Variants in PIK3C2G observed in about 807,000 individuals in gnomAD.
PIK3C2G encodes phosphatidylinositol 3-kinase C2 domain-containing subunit gamma.
In PIK3C2G, 168 loss-of-function variants were observed where a neutral mutation model predicts 181.1. The ratio of observed to expected loss-of-function variants is 0.93; its 90% confidence interval spans 0.82 to 1.05. The LOEUF is 1.05. Among genes scored for constraint, PIK3C2G ranks in the 50% least tolerant of loss-of-function variants. PIK3C2G has a pLI of 0.00. For missense variants in PIK3C2G, 1,869 were observed against 1,732.8 expected (o/e 1.08, Z -1.40); for synonymous variants, 573 against 592.2 (o/e 0.97, Z 0.47).
chr12:18,455,234 C>T (rs952804618), intron 18 of PIK3C2G, among the ~76,000 whole-genome samples: 1 of 152,004 alleles, frequency 6.6e-6, no homozygotes, highest in African/African-American at 2.4e-5. Context: ...ATCGCTAGGT[C>T]CAGCCTACAC....
At position 18,491,502 on chromosome 12, in the gene PIK3C2G, A is replaced by G; in HGVS notation, c.2737A>G (p.Asn913Asp). 6.2e-7 allele frequency: 1 copy of G among 1,610,284 alleles called. No individual in the cohort carries two copies. The highest frequency in any genetic ancestry group is 8.5e-7 in the Non-Finnish European group (1 of 1,176,794). Reference sequence around the variant, plus strand: ...ACTAGAAGAGTTCTTTCAAGATGTAAATACTTGTCATCTTCCTCTGAACCC... The same window carrying G: ...ACTAGAAGAGTTCTTTCAAGATGTAGATACTTGTCATCTTCCTCTGAACCC... ...GRLEEFFQDV[N>D]TCHLPLNPAL... The change falls in exon 20 of 33, where the codon AAT becomes GAT. Residue 913 changes from asparagine to aspartate, a missense_variant. Physicochemically the swap from Asn to Asp is conservative, Grantham distance 23. Transcript: ENST00000538779.
intron 26 of PIK3C2G, among the ~76,000 whole-genome samples, chr12:18,550,251 A>T (rs1944654282): frequency 6.6e-6 from 1 of 152,176 alleles, no homozygotes; most frequent in Middle Eastern, 3.4e-3. Flanking sequence ...TCATTTGTAT[A>T]TTATAAATTT....
chr12:18,507,166 A>C (rs993087118), intron 24 of PIK3C2G, among the ~76,000 whole-genome samples: 17 of 151,964 alleles, frequency 1.1e-4, no homozygotes, highest in African/African-American at 4.1e-4. Context: ...AGTAGCTGGG[A>C]CTACAGGAGT....
intron 16 of PIK3C2G, among the ~76,000 whole-genome samples, chr12:18,409,834 G>A (rs372981718): frequency 2.5e-4 from 38 of 152,284 alleles, no homozygotes; most frequent in African/African-American, 8.7e-4. Flanking sequence ...TATACAGGAA[G>A]CATGGTTGGG....
intron 24 of PIK3C2G, among the ~76,000 whole-genome samples, chr12:18,533,937 A>ATTTTT (rs1943696168): frequency 1.6e-5 from 2 of 124,830 alleles, no homozygotes; most frequent in South Asian, 2.5e-4. Context: ...TTGTCCTGCT[A>ATTTTT]TTTCTTTTTT....
intron 31 of PIK3C2G, among the ~76,000 whole-genome samples, chr12:18,619,652 T>C (rs1346254522): frequency 2.0e-5 from 3 of 152,168 alleles, no homozygotes. Context: ...TGTTTCACTT[T>C]CAAGTATTTG....
At chr12:18,636,798 G>A (rs518480) in intron 31 of PIK3C2G, among the ~76,000 whole-genome samples, 55,939 of 151,978 alleles carry the variant, frequency 0.37, 12,107 homozygotes, top group Admixed American at 0.52. Flanking sequence ...AGTTGTGCCA[G>A]TCTCTGAAAT....
the PIK3C2G span, among the ~76,000 whole-genome samples, chr12:18,708,995 C>T: frequency 7.9e-5 from 12 of 152,168 alleles, no homozygotes; most frequent in African/African-American, 2.6e-4. Context: ...GTTTCCTTTG[C>T]TGTGCAAAAG....
intron 31 of PIK3C2G, among the ~76,000 whole-genome samples, chr12:18,639,952 AATT>A (rs964663911): frequency 4.5e-4 from 69 of 151,662 alleles, no homozygotes; most frequent in African/African-American, 1.5e-3. Context: ...TTAATATTTT[AATT>A]ATATTTTATT....
intron 1 of PIK3C2G, among the ~76,000 whole-genome samples, chr12:18,271,458 C>T (rs190740688): frequency 1.5e-4 from 23 of 152,242 alleles, no homozygotes; most frequent in African/African-American, 5.1e-4. Context: ...GCGTTTCCAG[C>T]CTTCCTGTTG....
chr12:18,568,078 A>G (rs1945731105), intron 29 of PIK3C2G, among the ~76,000 whole-genome samples: 2 of 152,154 alleles, frequency 1.3e-5, no homozygotes, highest in Admixed American at 6.5e-5. Context: ...CACTGTGTCC[A>G]TCTGGGCAAT....
chr12:18,606,340 GT>G (rs1948019848), intron 30 of PIK3C2G, among the ~76,000 whole-genome samples: 1 of 151,992 alleles, frequency 6.6e-6, no homozygotes, highest in Non-Finnish European at 1.5e-5. Flanking sequence ...CAAATATAAT[GT>G]TCGTTGTGCC....
At chr12:18,452,006 C>T (rs572346143) in intron 18 of PIK3C2G, among the ~76,000 whole-genome samples, 1 of 152,356 alleles carries the variant, frequency 6.6e-6, no homozygotes, top group African/African-American at 2.4e-5. Context: ...CATTGACGTT[C>T]ATCAGGGATA....
At chr12:18,547,506 A>T (rs1405321473) in intron 26 of PIK3C2G, among the ~76,000 whole-genome samples, 1 of 152,030 alleles carries the variant, frequency 6.6e-6, no homozygotes, top group Non-Finnish European at 1.5e-5. Flanking sequence ...GAGAAAACTG[A>T]GATACAGAGA....
upstream of PIK3C2G, among the ~76,000 whole-genome samples, chr12:18,257,303 G>A (rs958336478): frequency 3.3e-5 from 5 of 152,096 alleles, no homozygotes; most frequent in African/African-American, 1.2e-4. Context: ...CTGTTATTCA[G>A]AAACAAATCT....
At chr12:18,249,568 G>C (rs1948075084) in intron 1 of PIK3C2G, among the ~76,000 whole-genome samples, 1 of 152,180 alleles carries the variant, frequency 6.6e-6, no homozygotes, top group South Asian at 2.1e-4. Context: ...ACAGCTTCCT[G>C]GCTAAGTAAG....
chr12:18,251,797 T>C (rs1207496314), intron 1 of PIK3C2G, among the ~76,000 whole-genome samples: 1 of 152,062 alleles, frequency 6.6e-6, no homozygotes, highest in African/African-American at 2.4e-5. Context: ...CATACCACAG[T>C]CATTTTCAGG....
the PIK3C2G span, among the ~76,000 whole-genome samples, chr12:18,685,956 T>C: frequency 6.6e-6 from 1 of 151,904 alleles, no homozygotes; most frequent in Non-Finnish European, 1.5e-5. Context: ...CCAAATTTGA[T>C]AGTGATGAAA....
chr12:18,570,214 CTT>C (rs568897739), intron 29 of PIK3C2G, among the ~76,000 whole-genome samples: 10 of 144,448 alleles, frequency 6.9e-5, no homozygotes, highest in South Asian at 2.2e-4. Flanking sequence ...AAAATGCACA[CTT>C]TTTTTTTTTT....
Sources: gnomAD v4.1 joint callset for allele counts (sites outside exome capture counted in the v4.1 genomes callset) on GRCh38, gnomAD v4.1.1 for gene constraint, MANE v1.5 for transcripts, NCBI Gene and HGNC (gene_info 2026-07-23, HGNC 2026-07-21) for gene names.